CTTNBP2: variants seen among roughly 807,000 people sequenced by gnomAD.
CTTNBP2 encodes the protein cortactin-binding protein 2.
Under a neutral mutation model 156.9 loss-of-function variants are expected in CTTNBP2, and 108 were observed. That is an observed-to-expected ratio of 0.69 (90% CI 0.59 to 0.81). CTTNBP2 has a LOEUF of 0.81. Ranked by LOEUF, CTTNBP2 falls within the 30% of genes least tolerant of loss-of-function variation. The pLI is 0.00. For synonymous variants in CTTNBP2, 767 were observed against 751.8 expected, an observed-to-expected ratio of 1.02 and a Z score of -0.33; for missense variants, 1,924 against 2,035.4, an observed-to-expected ratio of 0.95 and a Z score of 1.05.
At chr7:117,816,689 T>C (rs929569199) in intron 2 of CTTNBP2, among the ~76,000 whole-genome samples, 18 of 152,232 alleles carry the variant, frequency 1.2e-4, no homozygotes, top group African/African-American at 4.3e-4. Flanking sequence ...CTAACGTTCT[T>C]GTAAAAAGTT....
chr7:117,716,243 T>TTTTGA (rs1294655685), intron 22 of CTTNBP2, among the ~76,000 whole-genome samples: 1 of 141,796 alleles, frequency 7.1e-6, no homozygotes, highest in African/African-American at 2.6e-5. Flanking sequence ...ACTTTTTTTT[T>TTTTGA]GTGGACAGTA....
chr7:117,727,709 T>A (rs1317865657), intron 17 of CTTNBP2, among the ~76,000 whole-genome samples: 2 of 152,228 alleles, frequency 1.3e-5, no homozygotes, highest in African/African-American at 4.8e-5. Context: ...AAACAGTAAG[T>A]ACTGAACATA....
chr7:117,760,059 A>T lies in CTTNBP2; in HGVS notation c.3172+376T>A, dbSNP rs137944242. On this transcript the variant is annotated intron_variant, in intron 10 of 22. Transcript: ENST00000160373. ...AAATCTGTCCTGGAGATAAGGTACTAATGCACTACAGTGCTCCTGGCCCAA... is the reference window on the plus strand; with the variant it reads ...AAATCTGTCCTGGAGATAAGGTACTTATGCACTACAGTGCTCCTGGCCCAA... Among the ~76,000 whole-genome samples the T allele has an allele frequency of 7.5e-4, 114 of 152,338 alleles. 4 individuals carry two copies. The East Asian group carries it at 0.021, about 28-fold the overall frequency.
chr7:117,802,457 A>T, intron 3 of CTTNBP2, among the ~76,000 whole-genome samples: 1 of 141,266 alleles, frequency 7.1e-6, no homozygotes, highest in East Asian at 2.0e-4. Context: ...AAAAAAAAAA[A>T]CAAAAACAAA....
At chr7:117,779,571 G>A (rs10231200) in intron 7 of CTTNBP2, among the ~76,000 whole-genome samples, 34,608 of 151,822 alleles carry the variant, frequency 0.23, 6,605 homozygotes, top group African/African-American at 0.52. Flanking sequence ...TATACTGAAT[G>A]TGTGTAACAC....
At position 117,799,465 on chromosome 7, in the gene CTTNBP2, A is replaced by T. The variant is rs926132907; in HGVS notation, c.415-6684T>A. Among the ~76,000 whole-genome samples the T allele has an allele frequency of 2.1e-5, 3 of 141,198 alleles. No individual in the cohort carries two copies. The South Asian group carries it at 6.8e-4, about 32-fold the overall frequency. The allele number at this position is 141,198 out of a possible 152,430, so 92.6% of individuals were successfully genotyped here. A position where few individuals can be genotyped will look rare whatever the true frequency, so the allele number is the denominator to read the frequency against. On this transcript the variant is annotated intron_variant, in intron 3 of 22. Coordinates refer to ENST00000160373, the MANE Select transcript of CTTNBP2 (RefSeq NM_033427.3). ...TTTTTAAATCAAAACCATTCATGAT[A>T]AAAAAAAAACCTTCCAACAAAGAAT...
At chr7:117,786,461 C>T (rs1229058869) in intron 4 of CTTNBP2, 2 of 435,236 alleles carry the variant, frequency 4.6e-6, no homozygotes, top group Admixed American at 2.6e-5. Context: ...AACAGGCCCA[C>T]AAAAATTAAA....
At chr7:117,864,097 G>A (rs941905121) in intron 1 of CTTNBP2, among the ~76,000 whole-genome samples, 1 of 152,160 alleles carries the variant, frequency 6.6e-6, no homozygotes, top group Non-Finnish European at 1.5e-5. Context: ...TCATATTAGA[G>A]TCAGGAGAGC....
intron 2 of CTTNBP2, among the ~76,000 whole-genome samples, chr7:117,830,849 C>T (rs971233445): frequency 1.3e-5 from 2 of 152,122 alleles, no homozygotes; most frequent in African/African-American, 4.8e-5. Context: ...TTTTGTTTCA[C>T]AAGGTCATAA....
chr7:117,753,241 G>A (rs1303777463), intron 12 of CTTNBP2, among the ~76,000 whole-genome samples: 1 of 152,108 alleles, frequency 6.6e-6, no homozygotes, highest in Non-Finnish European at 1.5e-5. Flanking sequence ...TTATTAAAAA[G>A]TCCAGAGACA....
At chr7:117,798,579 A>C (rs1799446988) in intron 3 of CTTNBP2, among the ~76,000 whole-genome samples, 1 of 152,148 alleles carries the variant, frequency 6.6e-6, no homozygotes, top group East Asian at 1.9e-4. Context: ...GGACTCTGAA[A>C]GCAGAGCATC....
Position 117,784,444 on chromosome 7 carries a change from G to A in CTTNBP2, c.2079C>T (p.Pro693=). 6.3e-7 allele frequency: 1 copy of A among 1,591,598 alleles called. No homozygotes were observed. Among genetic ancestry groups the A allele is most frequent in the Non-Finnish European group, 8.5e-7 (1 of 1,172,202 alleles). Reference sequence around the variant, plus strand: ...CACTCATTAGCAAAGGGGTTAGGGAGGGTGACCAGCCTGTAGGTTAAAGTG... The same window carrying A: ...CACTCATTAGCAAAGGGGTTAGGGAAGGTGACCAGCCTGTAGGTTAAAGTG... The part of the protein sequence containing the change: ...SLLVTASGWS[P]SLTPLLMSGG... The change falls in exon 5 of 23, where the codon CCC becomes CCT. Residue 693 remains proline, a synonymous_variant. Coordinates refer to ENST00000160373, the MANE Select transcript of CTTNBP2 (RefSeq NM_033427.3).
chr7:117,769,025 G>T (rs1797668820), intron 8 of CTTNBP2, among the ~76,000 whole-genome samples: 1 of 152,072 alleles, frequency 6.6e-6, no homozygotes, highest in South Asian at 2.1e-4. Flanking sequence ...ATGTCCTGTG[G>T]TGTACACGTT....
intron 12 of CTTNBP2, among the ~76,000 whole-genome samples, chr7:117,750,375 A>G (rs1291674197): frequency 6.6e-6 from 1 of 152,218 alleles, no homozygotes; most frequent in Non-Finnish European, 1.5e-5. Flanking sequence ...AAGGCCATTC[A>G]CTAGATGTAA....
chr7:117,808,199 G>A (rs940028850), intron 3 of CTTNBP2, among the ~76,000 whole-genome samples: 2 of 151,752 alleles, frequency 1.3e-5, no homozygotes, highest in Non-Finnish European at 2.9e-5. Context: ...TCCTGAATGC[G>A]AAGAAAATGT....
At chr7:117,715,622 T>C (rs1440895139) in intron 22 of CTTNBP2, 1 of 152,214 alleles carries the variant, frequency 6.6e-6, no homozygotes, top group Admixed American at 6.5e-5. Context: ...AATATGTATA[T>C]TTGTTTTTAA....
At chr7:117,862,239 G>A (rs1803807335) in intron 1 of CTTNBP2, among the ~76,000 whole-genome samples, 1 of 151,320 alleles carries the variant, frequency 6.6e-6, no homozygotes, top group Non-Finnish European at 1.5e-5. Flanking sequence ...GGAGGGAGCT[G>A]AGGCTGGAGT....
chr7:117,774,800 C>T (rs1270861331), intron 8 of CTTNBP2, among the ~76,000 whole-genome samples: 6 of 151,786 alleles, frequency 4.0e-5, no homozygotes, highest in African/African-American at 7.3e-5. Flanking sequence ...TACTACCCTG[C>T]GTAGATTAGA....
At chr7:117,752,906 T>G (rs191989294) in intron 12 of CTTNBP2, among the ~76,000 whole-genome samples, 46 of 152,242 alleles carry the variant, frequency 3.0e-4, no homozygotes, top group Admixed American at 2.3e-3. Context: ...AGAATAGAGG[T>G]TGGTGTATAA....
Sources: allele counts gnomAD v4.1 joint callset (sites outside exome capture counted in the v4.1 genomes callset), GRCh38; gene constraint gnomAD v4.1.1; transcripts MANE v1.5; gene names NCBI Gene and HGNC (gene_info 2026-07-23, HGNC 2026-07-21).